IFT122: variants seen among roughly 807,000 people sequenced by gnomAD.
IFT122 encodes the protein intraflagellar transport 122, also known as intraflagellar transport protein 122 homolog.
A neutral mutation model predicts 161.6 loss-of-function variants in IFT122; 118 were observed. The ratio of observed to expected loss-of-function variants is 0.73; its 90% CI spans 0.63 to 0.85. IFT122 has a LOEUF of 0.85. Among genes scored for constraint, IFT122 ranks in the 40% least tolerant of loss-of-function variants. The pLI is 0.00. For missense variants in IFT122, 1,381 were observed against 1,579.6 expected (o/e 0.87, Z 2.13); for synonymous variants, 550 against 602.4 (o/e 0.91, Z 1.27).
chr3:129,467,194 G>A (rs551851622), intron 8 of IFT122, 128 bp downstream of exon 8: 13 of 821,926 alleles, frequency 1.6e-5, no homozygotes, highest in East Asian at 1.3e-4. Context: ...GGGTGAAAGC[G>A]CCTTCAAAAA....
At chr3:129,478,771 A>C (rs1559914584) in intron 12 of IFT122, among the ~76,000 whole-genome samples, 1 of 152,242 alleles carries the variant, frequency 6.6e-6, no homozygotes, top group Admixed American at 6.5e-5. Flanking sequence ...CTATTGCAGA[A>C]CATCTTGTCA....
At chr3:129,479,200 T>C (rs2078330343) in intron 12 of IFT122, among the ~76,000 whole-genome samples, 1 of 150,260 alleles carries the variant, frequency 6.7e-6, no homozygotes, top group African/African-American at 2.5e-5. Flanking sequence ...GGCAGGATGA[T>C]TGCTTGAGGC....
chr3:129,509,288 C>T (rs192778642), intron 23 of IFT122, among the ~76,000 whole-genome samples: 11 of 152,270 alleles, frequency 7.2e-5, no homozygotes, highest in African/African-American at 2.6e-4. Context: ...TGCCAAACAA[C>T]CGTAGAATGG....
intron 26 of IFT122, among the ~76,000 whole-genome samples, chr3:129,516,555 TTGCTCCTG>T (rs2083709714): frequency 2.4e-5 from 1 of 40,966 alleles, no homozygotes; most frequent in Non-Finnish European, 4.6e-5. Flanking sequence ...CACACACAGA[TTGCTCCTG>T]CACACACACA....
chr3:129,506,337 G>A (rs1325029699), intron 21 of IFT122, 72 bp from the exon 22 acceptor site: 4 of 1,577,884 alleles, frequency 2.5e-6, no homozygotes, highest in Non-Finnish European at 3.5e-6. Context: ...AAGCCCCACA[G>A]AGCTCCATCC....
intron 9 of IFT122, 116 bp from the exon 10 acceptor site, chr3:129,476,199 G>A (rs886812497): frequency 6.3e-6 from 7 of 1,109,462 alleles, no homozygotes; most frequent in African/African-American, 1.6e-5. Context: ...AGGCTGGCCA[G>A]CTCTCCCTGT....
intron 28 of IFT122, 53 bp from the exon 29 acceptor site, chr3:129,519,515 G>A (rs1026245768): frequency 7.5e-6 from 12 of 1,603,412 alleles, no homozygotes; most frequent in Non-Finnish European, 1.0e-5. Context: ...CCACACAGAT[G>A]TCTCACTGTG....
At chr3:129,492,461 T>A (rs1487325127) in intron 17 of IFT122, among the ~76,000 whole-genome samples, 3 of 152,148 alleles carry the variant, frequency 2.0e-5, no homozygotes, top group Admixed American at 6.5e-5. Flanking sequence ...TGAAAAGGGA[T>A]TGGACCTACC....
chr3:129,517,480 C>T lies in IFT122; in HGVS notation c.3277C>T (p.Leu1093=). Residue 1093 remains leucine, a synonymous_variant, in exon 27 of 30, where the codon CTG becomes TTG. Coordinates refer to ENST00000348417, the MANE Select transcript of IFT122 (RefSeq NM_052989.3). The stretch of plus-strand genomic sequence containing the variant: ...TCTATGCCCTCCAGACGTGCTACAC[C>T]TGGTTGAGTTCTACCTGGAGGAAGG... The part of the protein sequence containing the change: ...FSASSYDVLH[L]VEFYLEEGIT... 6.2e-7 allele frequency: 1 copy of T among 1,613,796 alleles called. No individual in the cohort carries two copies. The highest frequency in any genetic ancestry group is 8.5e-7 in the Non-Finnish European group (1 of 1,179,792).
At chr3:129,516,694 G>GCACACACACA (rs771398986) in intron 26 of IFT122, among the ~76,000 whole-genome samples, 3 of 50,182 alleles carry the variant, frequency 6.0e-5, no homozygotes, top group African/African-American at 2.2e-4. Flanking sequence ...GATTGCTCCT[G>GCACACACACA]CACACACACA....
At chr3:129,463,856 C>T (rs1470681650) in intron 6 of IFT122, among the ~76,000 whole-genome samples, 4 of 152,216 alleles carry the variant, frequency 2.6e-5, no homozygotes, top group Admixed American at 6.5e-5. Flanking sequence ...AGCAACAAGC[C>T]TCAACATCCA....
chr3:129,452,916 T>C (rs1198336570), intron 3 of IFT122, among the ~76,000 whole-genome samples: 2 of 151,992 alleles, frequency 1.3e-5, no homozygotes, highest in African/African-American at 2.4e-5. Context: ...CTGGATATAA[T>C]GGGAGGGTGG....
At chr3:129,511,708 A>G (rs2082852355) in intron 23 of IFT122, among the ~76,000 whole-genome samples, 1 of 152,230 alleles carries the variant, frequency 6.6e-6, no homozygotes, top group Admixed American at 6.5e-5. Context: ...GTTAGTGCCT[A>G]TGCCAGGAGC....
chr3:129,486,937 A>G (rs187779702), intron 15 of IFT122, among the ~76,000 whole-genome samples: 9 of 152,310 alleles, frequency 5.9e-5, no homozygotes, highest in Admixed American at 3.9e-4. Context: ...TAATGTGCCA[A>G]TGAGGAGAGA....
intron 16 of IFT122, among the ~76,000 whole-genome samples, chr3:129,491,312 A>G (rs1354537065): frequency 6.6e-6 from 1 of 152,202 alleles, no homozygotes; most frequent in Admixed American, 6.5e-5. Context: ...TCCTCTAGGC[A>G]CAGGTCAGCC....
At chr3:129,516,321 GCACACACACAGAGACTGCCCC>G (rs1560021535) in intron 26 of IFT122, among the ~76,000 whole-genome samples, 36 of 70,252 alleles carry the variant, frequency 5.1e-4, no homozygotes, top group African/African-American at 2.5e-3. Flanking sequence ...GACTGCCCCT[GCACACACACAGAGACTGCCCC>G]TGCACACACA....
At chr3:129,457,736 T>G (rs1003321321) in intron 3 of IFT122, among the ~76,000 whole-genome samples, 4 of 146,544 alleles carry the variant, frequency 2.7e-5, no homozygotes, top group South Asian at 2.2e-4. Context: ...GGAATAGTTT[T>G]TTTTTTTTTT....
intron 26 of IFT122, among the ~76,000 whole-genome samples, chr3:129,517,060 C>CAGAGACTGCCCCTGCACACACACACAG (rs1175995619): frequency 8.6e-6 from 1 of 116,128 alleles, no homozygotes; most frequent in Non-Finnish European, 1.7e-5. Flanking sequence ...CACACACACA[C>CAGAGACTGCCCCTGCACACACACACAG]AGACTGCCCC....
At chr3:129,481,805 A>T in intron 14 of IFT122, 111 bp downstream of exon 14, 1 of 1,147,368 alleles carries the variant, frequency 8.7e-7, no homozygotes, top group Non-Finnish European at 1.3e-6. Flanking sequence ...GGTCTCTGGG[A>T]GGGGCAGGGG....
Sources: allele counts gnomAD v4.1 joint callset (sites outside exome capture counted in the v4.1 genomes callset), GRCh38; gene constraint gnomAD v4.1.1; transcripts MANE v1.5; gene names NCBI Gene and HGNC (gene_info 2026-07-23, HGNC 2026-07-21).